Variants in TRRAP observed in about 807,000 individuals in gnomAD.
TRRAP encodes transformation/transcription domain associated protein, also known as transformation/transcription domain-associated protein.
Under a neutral mutation model 438.8 loss-of-function variants are expected in TRRAP, and 41 were observed. That is an observed-to-expected ratio of 0.09 (90% confidence interval 0.07 to 0.12). The LOEUF is 0.12. Ranked by LOEUF, TRRAP falls within the 10% of genes least tolerant of loss-of-function variation. TRRAP has a pLI of 1.00. For missense variants in TRRAP, 3,122 were observed against 5,055.1 expected, an observed-to-expected ratio of 0.62 and a Z score of 11.60; for synonymous variants, 1,994 against 1,962.9, an observed-to-expected ratio of 1.02 and a Z score of -0.42.
intron 3 of TRRAP, among the ~76,000 whole-genome samples, chr7:98,889,108 C>G (rs1305263092): frequency 2.1e-5 from 3 of 142,614 alleles, no homozygotes; most frequent in Non-Finnish European, 4.5e-5. Flanking sequence ...GCCTCGAATT[C>G]CTGGGCTCCA....
At chr7:98,952,843 A>T (rs782070990) in intron 39 of TRRAP, among the ~76,000 whole-genome samples, 1 of 151,976 alleles carries the variant, frequency 6.6e-6, no homozygotes, top group Non-Finnish European at 1.5e-5. Flanking sequence ...CAGATCGTTA[A>T]CCTTTCATCT....
Position 99,004,426 on chromosome 7 carries a change from C to T in TRRAP, c.10535+11C>T, listed in dbSNP as rs991216659. ...CATCAAGATTGCACGGTGAGTGGGC[C>T]AGCCTGGCAGGTGGAACTAACCCAC... On this transcript the variant is annotated intron_variant, in intron 68 of 72. Coordinates refer to ENST00000456197, the MANE Select transcript of TRRAP (RefSeq NM_001375524.1). The T allele has an allele frequency of 3.1e-6, 5 of 1,608,684 alleles. No homozygotes were observed. Among genetic ancestry groups the T allele is most frequent in the Non-Finnish European group, 4.3e-6 (5 of 1,176,218 alleles).
chr7:98,891,864 T>A (rs1795995763), intron 4 of TRRAP, among the ~76,000 whole-genome samples: 1 of 152,188 alleles, frequency 6.6e-6, no homozygotes, highest in Admixed American at 6.5e-5. Flanking sequence ...AAAATAACTT[T>A]TAAAAAACGT....
chr7:98,920,607 C>T (rs6978977), intron 20 of TRRAP, among the ~76,000 whole-genome samples: 1,812 of 152,196 alleles, frequency 0.012, 37 homozygotes, highest in African/African-American at 0.042. Flanking sequence ...TTCTTAAATG[C>T]GGAGTCCACA....
intron 18 of TRRAP, among the ~76,000 whole-genome samples, chr7:98,913,159 G>T (rs913034955): frequency 6.6e-6 from 1 of 152,034 alleles, no homozygotes; most frequent in South Asian, 2.1e-4. Context: ...GTTCACCTGC[G>T]CATGTTTGCT....
Position 98,950,139 on chromosome 7 carries a change from A to G in TRRAP, c.5211A>G (p.Thr1737=), listed in dbSNP as rs1403678543. 2.5e-6 allele frequency: 4 copies of G among 1,614,130 alleles called. No individual in the cohort carries two copies. Among genetic ancestry groups the G allele is most frequent in the African/African-American group, 1.3e-5 (1 of 74,948 alleles). Residue 1737 remains threonine, a synonymous_variant, in exon 38 of 73, where the codon ACA becomes ACG. Coordinates refer to ENST00000456197, the MANE Select transcript of TRRAP (RefSeq NM_001375524.1). ...AFTGRFLCNM[T]FLKEYMEEEI... is the part of the protein sequence containing the mutation. ...CTGGTCGTTTTCTCTGCAACATGAC[A>G]TTCTTAAAAGAGTATATGGAGGAAG...
chr7:98,922,850 A>G (rs960296864), intron 21 of TRRAP, among the ~76,000 whole-genome samples: 1 of 152,106 alleles, frequency 6.6e-6, no homozygotes, highest in Non-Finnish European at 1.5e-5. Context: ...GCCCTGTTGC[A>G]TCATTGTGTA....
intron 17 of TRRAP, 122 bp downstream of exon 17, chr7:98,911,393 A>G: frequency 1.1e-6 from 1 of 932,860 alleles, no homozygotes; most frequent in Non-Finnish European, 1.5e-6. Context: ...TTATAGCTCA[A>G]AATTTAAAGA....
At chr7:98,886,177 G>T (rs540189629) in intron 3 of TRRAP, among the ~76,000 whole-genome samples, 1 of 152,210 alleles carries the variant, frequency 6.6e-6, no homozygotes, top group Non-Finnish European at 1.5e-5. Flanking sequence ...TGTAGTCCCA[G>T]CTACTGGGAA....
intron 4 of TRRAP, among the ~76,000 whole-genome samples, chr7:98,891,731 G>A (rs1387743107): frequency 3.4e-5 from 5 of 147,042 alleles, no homozygotes; most frequent in African/African-American, 1.3e-4. Context: ...GTAGAGACAG[G>A]GTTTCACCAT....
intron 30 of TRRAP, among the ~76,000 whole-genome samples, chr7:98,938,024 A>G (rs1790631824): frequency 6.6e-6 from 1 of 152,128 alleles, no homozygotes; most frequent in Non-Finnish European, 1.5e-5. Context: ...AAATACACAA[A>G]TTAGCCTGGT....
intron 44 of TRRAP, among the ~76,000 whole-genome samples, 179 bp downstream of exon 44, chr7:98,958,270 A>G (rs1311885309): frequency 1.3e-5 from 2 of 152,088 alleles, no homozygotes; most frequent in Non-Finnish European, 2.9e-5. Context: ...TAACATTTCC[A>G]AAATCTACCT....
rs75392784 is a variant in TRRAP, at chr7:98,906,835, T to C, written c.1115+580T>C. ...CTTGATTTAATTTTAGGTAAAACTTTATCTGACTTTATTATTGTTTTTTGC... is the reference window on the plus strand; with the variant it reads ...CTTGATTTAATTTTAGGTAAAACTTCATCTGACTTTATTATTGTTTTTTGC... On this transcript the variant is annotated intron_variant, in intron 13 of 72. Transcript: ENST00000456197. 8.5e-5 allele frequency among the ~76,000 whole-genome samples: 13 copies of C among 152,306 alleles called. No homozygotes were observed. In the East Asian group the frequency reaches 2.1e-3, roughly 25 times the overall value.
intron 24 of TRRAP, 22 bp from the exon 25 acceptor site, chr7:98,930,611 G>A: frequency 1.2e-6 from 2 of 1,612,192 alleles, no homozygotes; most frequent in Non-Finnish European, 1.7e-6. Context: ...ACGTGTTGTG[G>A]TTTGTTCATT....
At chr7:98,958,977 A>G (rs1791755801) in intron 44 of TRRAP, among the ~76,000 whole-genome samples, 1 of 152,202 alleles carries the variant, frequency 6.6e-6, no homozygotes, top group African/African-American at 2.4e-5. Flanking sequence ...GTTAAACAAA[A>G]TAGTATATCT....
At chr7:98,986,539 A>G (rs1255900726) in intron 62 of TRRAP, among the ~76,000 whole-genome samples, 1 of 152,204 alleles carries the variant, frequency 6.6e-6, no homozygotes, top group Non-Finnish European at 1.5e-5. Flanking sequence ...ATGACTGTTG[A>G]TGCTGAGCTT....
At position 98,917,514 on chromosome 7, in the gene TRRAP, G is replaced by A. The variant is rs782222104; in HGVS notation, c.2457G>A (p.Ser819=). 10 of 1,614,022 alleles carry A rather than the reference G, an allele frequency of 6.2e-6. No individual in the cohort carries two copies. The highest frequency in any genetic ancestry group is 5.5e-5 in the South Asian group (5 of 91,084). ...TCACCGTCCCTGTGCGGCTGAGCTCGCTTTTGCCGTACCTGCCCATGCTTA... is the reference window on the plus strand; with the variant it reads ...TCACCGTCCCTGTGCGGCTGAGCTCACTTTTGCCGTACCTGCCCATGCTTA... The part of the protein sequence containing the change: ...LCLTVPVRLS[S]LLPYLPMLMD... Residue 819 remains serine (S), a synonymous_variant, in exon 20 of 73, where the codon TCG becomes TCA. Coordinates refer to ENST00000456197, the MANE Select transcript of TRRAP (RefSeq NM_001375524.1).
chr7:98,996,964 A>T (rs1320821795), intron 67 of TRRAP, among the ~76,000 whole-genome samples: 1 of 152,046 alleles, frequency 6.6e-6, no homozygotes, highest in Non-Finnish European at 1.5e-5. Flanking sequence ...CACACACCTA[A>T]AACAGTTAAA....
In TRRAP at chr7:98,892,529, G is replaced by GT. The variant is rs782045958; in HGVS notation, c.366+2dup. On this transcript the variant is annotated splice_donor_variant, in intron 5 of 72. Coordinates refer to ENST00000456197, the MANE Select transcript of TRRAP (RefSeq NM_001375524.1). LOFTEE classifies it high-confidence loss of function. ...GTCTGTGATGTTTCGCTTTTTAGAG[G>GT]TAAGTTTTGAGAATTAATTCTTGTC... The GT allele has an allele frequency of 5.0e-6, 8 of 1,604,086 alleles. No individual in the cohort carries two copies. In the South Asian group the frequency reaches 9.0e-5, roughly 18 times the overall value.
Sources: gnomAD v4.1 joint callset for allele counts (sites outside exome capture counted in the v4.1 genomes callset) on GRCh38, gnomAD v4.1.1 for gene constraint, MANE v1.5 for transcripts, NCBI Gene and HGNC (gene_info 2026-07-23, HGNC 2026-07-21) for gene names.